Variants in ZNF324B observed in about 807,000 individuals in gnomAD.
The protein encoded by ZNF324B is zinc finger protein 324B.
ZNF324B carries 7 observed loss-of-function variants against 10.6 expected under a neutral mutation model. That is an observed-to-expected ratio of 0.66 (90% CI 0.38 to 1.24). The LOEUF (loss-of-function observed/expected upper bound fraction) is 1.24, where lower values mean the gene tolerates loss of function less well. Among genes scored for constraint, ZNF324B ranks in the 50% most tolerant of loss-of-function variants. The pLI is 0.02. For synonymous variants in ZNF324B, 316 were observed against 321.0 expected (o/e 0.98, Z 0.17); for missense variants, 640 against 764.7 (o/e 0.84, Z 1.92).
chr19:58,430,835 C>T, the ZNF324B span: 2 of 152,342 alleles, frequency 1.3e-5, no homozygotes, highest in East Asian at 1.9e-4. Context: ...TCTTGAAGGG[C>T]TTCTCCCTAT....
rs560596749 is a variant in ZNF324B at position 58,454,191 on chromosome 19, G to T, written c.122-37G>T. On this transcript the variant is annotated intron_variant, in intron 2 of 3. Transcript: ENST00000336614. Reference sequence around the variant, plus strand: ...TCTCTGTTGGGAGGTGGGTTGTCTTGACCTGGGGCTGGGCTCTCACCTGCT... The same window carrying T: ...TCTCTGTTGGGAGGTGGGTTGTCTTTACCTGGGGCTGGGCTCTCACCTGCT... 3 of 1,436,698 alleles carry T rather than the reference G, an allele frequency of 2.1e-6. No individual in the cohort carries two copies. The African/African-American group carries it at 4.2e-5, about 20-fold the overall frequency. 89.0% of individuals were successfully genotyped at this position (1,436,698 alleles called of 1,614,324 possible).
the ZNF324B span, among the ~76,000 whole-genome samples, chr19:58,424,694 G>A: frequency 6.6e-6 from 1 of 152,128 alleles, no homozygotes; most frequent in Non-Finnish European, 1.5e-5. Flanking sequence ...AAACATAAAA[G>A]CCGGGTATGG....
the ZNF324B span, chr19:58,445,279 C>A: frequency 2.5e-6 from 1 of 398,026 alleles, no homozygotes; most frequent in Non-Finnish European, 4.9e-6. Context: ...AATTTTAATC[C>A]TATTTAGCAC....
At position 58,456,664 on chromosome 19, in the gene ZNF324B, G is replaced by T; in HGVS notation, c.*85G>T. On this transcript the variant is annotated 3_prime_UTR_variant, in exon 4 of 4. Transcript: ENST00000336614. The surrounding 1 kb of genome is among the most constrained non-coding windows in gnomAD (Gnocchi z 4.7). ...GGGTCCGAGTGCTCTTCAGATCCACGATGGGGAAAAGCTCTGTGCCTGAGA... is the reference window on the plus strand; with the variant it reads ...GGGTCCGAGTGCTCTTCAGATCCACTATGGGGAAAAGCTCTGTGCCTGAGA... 6.8e-7 allele frequency: 1 copy of T among 1,467,106 alleles called. No individual in the cohort carries two copies. Among genetic ancestry groups the T allele is most frequent in the Non-Finnish European group, 9.2e-7 (1 of 1,090,318 alleles). 90.9% of individuals were successfully genotyped at this position (1,467,106 alleles called of 1,614,324 possible). A position where few individuals can be genotyped will look rare whatever the true frequency, so the allele number is the denominator to read the frequency against.
At chr19:58,448,464 C>T (rs1175370009), upstream of ZNF324B, among the ~76,000 whole-genome samples, 1 of 152,170 alleles carries the variant, frequency 6.6e-6, no homozygotes, top group African/African-American at 2.4e-5. Context: ...GTGGCTCACG[C>T]CTGTAATCCC....
At chr19:58,434,726 T>C in the ZNF324B span, 3 of 1,614,218 alleles carry the variant, frequency 1.9e-6, no homozygotes, top group Non-Finnish European at 2.5e-6. Context: ...TTTCCACAGT[T>C]GCTGCACTCG....
the ZNF324B span, among the ~76,000 whole-genome samples, chr19:58,426,494 A>C: frequency 1.3e-5 from 2 of 152,160 alleles, no homozygotes; most frequent in African/African-American, 2.4e-5. Context: ...AGATCGCACA[A>C]TTTATTAGCA....
At position 58,457,514 on chromosome 19, in the gene ZNF324B, G is replaced by GCCCCCA. The variant is rs1474338842; in HGVS notation, c.*947_*952dup. The GCCCCCA allele has an allele frequency of 4.3e-5, 3 of 69,540 alleles. No individual in the cohort carries two copies. The highest frequency in any genetic ancestry group is 3.0e-5 in the Non-Finnish European group (1 of 33,792). 4.3% of individuals were successfully genotyped at this position (69,540 alleles called of 1,614,324 possible). On this transcript the variant is annotated 3_prime_UTR_variant, in exon 4 of 4. Transcript: ENST00000336614. ...TTGCTGGATTTGGTGGCCGATCCCC[G>GCCCCCA]CCCCCACCCCCACCCCCTCCATCTC...
the ZNF324B span, chr19:58,443,661 C>T: frequency 6.6e-6 from 1 of 152,348 alleles, no homozygotes; most frequent in East Asian, 1.9e-4. Flanking sequence ...GCTAGGTTAC[C>T]CTGTCAGGAT....
chr19:58,431,697 T>A, the ZNF324B span, among the ~76,000 whole-genome samples: 1 of 152,250 alleles, frequency 6.6e-6, no homozygotes, highest in East Asian at 1.9e-4. Context: ...ATAAGCTTTT[T>A]AAAATAGGTG....
upstream of ZNF324B, among the ~76,000 whole-genome samples, chr19:58,450,500 G>T (rs192706291): frequency 2.8e-3 from 418 of 150,108 alleles, 1 homozygote; most frequent in Non-Finnish European, 5.5e-3. Flanking sequence ...AAAATTGCTT[G>T]AAATGTTAAT....
At chr19:58,423,182 C>T in the ZNF324B span, among the ~76,000 whole-genome samples, 4 of 150,434 alleles carry the variant, frequency 2.7e-5, no homozygotes, top group East Asian at 3.9e-4. Flanking sequence ...TTTTTTGAGA[C>T]GGAGTCTTGC....
intron 2 of ZNF324B, 106 bp from the exon 3 acceptor site, chr19:58,454,122 G>A: frequency 1.3e-6 from 1 of 778,734 alleles, no homozygotes; most frequent in Non-Finnish European, 2.2e-6. Context: ...GATTCTCCCA[G>A]TTGCACAGAT....
the ZNF324B span, among the ~76,000 whole-genome samples, chr19:58,421,590 G>A: frequency 2.6e-5 from 4 of 151,626 alleles, no homozygotes; most frequent in African/African-American, 9.7e-5. Flanking sequence ...CATGTTGGTC[G>A]GGCTGGTCTC....
the ZNF324B span, chr19:58,436,929 A>G: frequency 2.8e-6 from 4 of 1,430,224 alleles, no homozygotes; most frequent in Admixed American, 6.7e-5. Context: ...AGCACCTACA[A>G]CAGGAAACCC....
chr19:58,455,712 C>T lies in ZNF324B; in HGVS notation c.768C>T (p.Ser256=), dbSNP rs1162960827. The T allele has an allele frequency of 6.2e-7, 1 of 1,613,686 alleles. No individual in the cohort carries two copies. Among genetic ancestry groups the T allele is most frequent in the South Asian group, 1.1e-5 (1 of 91,064 alleles). The change falls in exon 4 of 4, where the codon TCC becomes TCT. Residue 256 remains serine (S), a synonymous_variant. Transcript: ENST00000336614. The surrounding 1 kb of genome is among the most constrained non-coding windows in gnomAD (Gnocchi z 7.0). The part of the protein sequence containing the change: ...LGEALHAGEK[S]FECRACSKVF... ...AGGCTCTTCACGCTGGGGAGAAGTC[C>T]TTCGAATGCAGGGCGTGCAGCAAAG...
chr19:58,433,535 TA>T, the ZNF324B span: 1 of 1,614,190 alleles, frequency 6.2e-7, no homozygotes. Context: ...GAGTTACTGC[TA>T]AAGGCTCTCC....
the ZNF324B span, chr19:58,429,259 G>A: frequency 6.6e-6 from 1 of 152,240 alleles, no homozygotes; most frequent in African/African-American, 2.4e-5. Flanking sequence ...AAACATTAAG[G>A]CCTTTGTTAT....
the ZNF324B span, chr19:58,433,703 T>G: frequency 1.2e-6 from 2 of 1,612,464 alleles, no homozygotes; most frequent in Non-Finnish European, 1.7e-6. Flanking sequence ...GAGTTTTGGC[T>G]AAAGAATTTC....
Sources: allele counts gnomAD v4.1 joint callset (sites outside exome capture counted in the v4.1 genomes callset), GRCh38; gene constraint gnomAD v4.1.1; non-coding constraint Gnocchi (gnomAD v3.1); transcripts MANE v1.5; gene names NCBI Gene and HGNC (gene_info 2026-07-23, HGNC 2026-07-21).